CDH12: variants seen among roughly 807,000 people sequenced by gnomAD.
CDH12 encodes the protein cadherin 12, also known as cadherin-12.
Under a neutral mutation model 74.1 loss-of-function variants are expected in CDH12, and 41 were observed. The observed-to-expected ratio is 0.55, with a 90% CI of 0.43 to 0.72. The LOEUF (loss-of-function observed/expected upper bound fraction) is 0.72, where lower values mean the gene tolerates loss of function less well. Ranked by LOEUF, CDH12 falls within the 30% of genes least tolerant of loss-of-function variation. CDH12 has a pLI of 0.00. For missense variants in CDH12, 945 were observed against 977.2 expected (o/e 0.97, Z 0.44); for synonymous variants, 399 against 355.0 (o/e 1.12, Z -1.39).
chr5:22,422,538 T>C (rs1743698203), intron 2 of CDH12, among the ~76,000 whole-genome samples: 1 of 152,172 alleles, frequency 6.6e-6, no homozygotes, highest in Admixed American at 6.5e-5. Context: ...GTTTCCTTTT[T>C]TTGTTGTAAA....
chr5:22,415,921 T>A (rs1260451739), intron 2 of CDH12, among the ~76,000 whole-genome samples: 1 of 151,914 alleles, frequency 6.6e-6, no homozygotes, highest in Non-Finnish European at 1.5e-5. Flanking sequence ...AAAAAAAAAT[T>A]GAACTACGAA....
At chr5:22,024,157 T>A (rs1738184863) in intron 5 of CDH12, among the ~76,000 whole-genome samples, 1 of 152,190 alleles carries the variant, frequency 6.6e-6, no homozygotes, top group African/African-American at 2.4e-5. Context: ...TATGTTACTA[T>A]CTTTAAAACT....
intron 3 of CDH12, among the ~76,000 whole-genome samples, chr5:22,361,254 G>A (rs1170399752): frequency 3.3e-5 from 5 of 152,026 alleles, no homozygotes; most frequent in African/African-American, 2.4e-5. Flanking sequence ...AAATCAATGT[G>A]CAAAAATCAC....
intron 3 of CDH12, among the ~76,000 whole-genome samples, chr5:22,309,673 T>C (rs766634713): frequency 5.9e-5 from 9 of 152,050 alleles, no homozygotes; most frequent in Non-Finnish European, 1.2e-4. Flanking sequence ...ATAGTCCTCA[T>C]GTTGTACATT....
chr5:22,247,636 C>T (rs1238332175), intron 3 of CDH12, among the ~76,000 whole-genome samples: 1 of 151,422 alleles, frequency 6.6e-6, no homozygotes, highest in Non-Finnish European at 1.5e-5. Flanking sequence ...GATCACATCA[C>T]TGCACTCCAG....
intron 3 of CDH12, among the ~76,000 whole-genome samples, chr5:22,358,916 A>G (rs1366260645): frequency 6.6e-6 from 1 of 152,178 alleles, no homozygotes; most frequent in East Asian, 1.9e-4. Flanking sequence ...TCACAACAAA[A>G]TTTTGATGTA....
intron 2 of CDH12, among the ~76,000 whole-genome samples, chr5:22,455,570 C>T (rs946147594): frequency 2.0e-5 from 3 of 152,118 alleles, no homozygotes; most frequent in South Asian, 2.1e-4. Context: ...GTAAACCATA[C>T]GCATGAAAAT....
intron 1 of CDH12, among the ~76,000 whole-genome samples, chr5:22,534,829 C>T (rs1246995200): frequency 6.6e-6 from 1 of 151,362 alleles, no homozygotes; most frequent in East Asian, 1.9e-4. Flanking sequence ...TTAGATAGTT[C>T]AAACAGGGTA....
intron 3 of CDH12, among the ~76,000 whole-genome samples, chr5:22,372,982 A>G (rs1741362894): frequency 6.6e-6 from 1 of 152,092 alleles, no homozygotes; most frequent in Admixed American, 6.5e-5. Context: ...CAGCCCTGCC[A>G]TCCCTGGAGG....
intron 1 of CDH12, among the ~76,000 whole-genome samples, chr5:22,538,582 C>T (rs969566003): frequency 5.3e-5 from 8 of 152,154 alleles, no homozygotes; most frequent in South Asian, 2.1e-4. Flanking sequence ...CCAAATGTTC[C>T]GTGGGGCTGG....
chr5:22,281,254 C>A (rs555765925), intron 3 of CDH12, among the ~76,000 whole-genome samples: 1 of 152,144 alleles, frequency 6.6e-6, no homozygotes, highest in Non-Finnish European at 1.5e-5. Context: ...TATGACAAAC[C>A]CACAGCCAAT....
intron 13 of CDH12, among the ~76,000 whole-genome samples, chr5:21,757,142 T>C (rs1744444830): frequency 6.6e-6 from 1 of 152,134 alleles, no homozygotes; most frequent in Non-Finnish European, 1.5e-5. Flanking sequence ...ATGTGTCAAA[T>C]GGCAGCCTAA....
chr5:21,880,612 C>CT (rs1752250410), intron 6 of CDH12, among the ~76,000 whole-genome samples: 15 of 69,924 alleles, frequency 2.1e-4, no homozygotes, highest in African/African-American at 6.6e-4. Context: ...TCCTTCCTTC[C>CT]TTCCTTCTTT....
chr5:22,456,249 T>A (rs1021362693), intron 2 of CDH12, among the ~76,000 whole-genome samples: 5 of 140,502 alleles, frequency 3.6e-5, no homozygotes, highest in Admixed American at 7.0e-5. Context: ...TATATATGTG[T>A]GTGTGTGTGT....
At chr5:22,391,311 T>C (rs1406411523) in intron 3 of CDH12, among the ~76,000 whole-genome samples, 2 of 152,108 alleles carry the variant, frequency 1.3e-5, no homozygotes, top group Non-Finnish European at 1.5e-5. Context: ...CAAGATAAAA[T>C]ATAAAAGAAA....
intron 3 of CDH12, among the ~76,000 whole-genome samples, chr5:22,242,731 C>T (rs139431380): frequency 6.6e-6 from 1 of 152,260 alleles, no homozygotes; most frequent in East Asian, 1.9e-4. Flanking sequence ...GCTCTGGCCT[C>T]CCGCTCCTCT....
intron 6 of CDH12, among the ~76,000 whole-genome samples, chr5:21,973,960 T>A (rs1374866817): frequency 6.6e-6 from 1 of 151,966 alleles, no homozygotes; most frequent in African/African-American, 2.4e-5. Flanking sequence ...ACATTAAAAT[T>A]TGAAATCTAA....
intron 3 of CDH12, among the ~76,000 whole-genome samples, chr5:22,374,653 A>G (rs1435058524): frequency 6.6e-6 from 1 of 152,144 alleles, no homozygotes; most frequent in Non-Finnish European, 1.5e-5. Flanking sequence ...AAGCATTTCT[A>G]TACTTCAATA....
chr5:21,758,887 T>C (rs1191417316), intron 13 of CDH12, among the ~76,000 whole-genome samples: 1 of 152,124 alleles, frequency 6.6e-6, no homozygotes, highest in African/African-American at 2.4e-5. Flanking sequence ...AAACACCATA[T>C]ACTCTTACTT....
Sources: allele counts gnomAD v4.1 joint callset (sites outside exome capture counted in the v4.1 genomes callset), GRCh38; gene constraint gnomAD v4.1.1; transcripts MANE v1.5; gene names NCBI Gene and HGNC (gene_info 2026-07-23, HGNC 2026-07-21).